Variants in ABCA2 observed in about 807,000 individuals in gnomAD.
The protein encoded by ABCA2 is ATP-binding cassette sub-family A member 2.
Under a neutral mutation model 262.8 loss-of-function variants are expected in ABCA2, and 84 were observed. The ratio of observed to expected loss-of-function variants is 0.32; its 90% CI spans 0.27 to 0.38. ABCA2 has a LOEUF of 0.38. Ranked by LOEUF, ABCA2 falls within the 10% of genes least tolerant of loss-of-function variation. ABCA2 has a pLI of 1.00. For missense variants in ABCA2, 2,662 were observed against 3,405.9 expected, an observed-to-expected ratio of 0.78 and a Z score of 5.44; for synonymous variants, 1,696 against 1,502.9, an observed-to-expected ratio of 1.13 and a Z score of -2.97.
In ABCA2 at chr9:137,010,675, C is replaced by T. The variant is rs1264588357; in HGVS notation, c.6119G>A (p.Arg2040Gln). The T allele has an allele frequency of 1.9e-6, 3 of 1,611,970 alleles. No individual in the cohort carries two copies. Among genetic ancestry groups the T allele is most frequent in the East Asian group, 2.2e-5 (1 of 44,848 alleles). ...ATTGTCGGCGTCTCCCCGGAGCACT[C>T]GCTGCCGCTCACTGGCCACGTCCAC... ...DDVDVASERQ[R>Q]VLRGDADNDM... Residue 2040 changes from arginine (R) to glutamine (Q), a missense_variant, in exon 40 of 49, where the codon CGA becomes CAA. Arg to Gln is a conservative substitution (Grantham distance 43, BLOSUM62 1). This residue lies in a region of ABCA2 where 602 missense variants were observed against 897.4 expected (regional missense o/e 0.67). Transcript: ENST00000341511.
At position 137,017,808 on chromosome 9, in the gene ABCA2, C is replaced by T; in HGVS notation, c.2190G>A (p.Glu730=). 1 of 1,612,556 alleles carries T rather than the reference C, an allele frequency of 6.2e-7. No homozygotes were observed. Among genetic ancestry groups the T allele is most frequent in the Non-Finnish European group, 8.5e-7 (1 of 1,179,826 alleles). The stretch of plus-strand genomic sequence containing the variant: ...GCACCTCCTTGAGCCGGTGCTCCTT[C>T]TCCGCCACGATGTGCTGGATGGTCA... ...VAMTIQHIVA[E]KEHRLKEVMK... Residue 730 remains glutamate (E), a synonymous_variant, in exon 16 of 49, where the codon GAG becomes GAA. Coordinates refer to ENST00000341511, the MANE Select transcript of ABCA2 (RefSeq NM_001606.5).
rs749156936 is a variant in ABCA2, at chr9:137,012,282, C to T, written c.5282G>A (p.Gly1761Asp). 5 of 1,419,034 alleles carry T rather than the reference C, an allele frequency of 3.5e-6. No homozygotes were observed. The highest frequency in any genetic ancestry group is 3.9e-4 in the Middle Eastern group (2 of 5,078). 87.9% of individuals were successfully genotyped at this position (1,419,034 alleles called of 1,614,324 possible). A position where few individuals can be genotyped will look rare whatever the true frequency, so the allele number is the denominator to read the frequency against. The change falls in exon 33 of 49, where the codon GGC (glycine) becomes GAC (aspartate). Residue 1761 changes from glycine to aspartate, a missense_variant. Physicochemically the swap from Gly to Asp is moderately conservative, Grantham distance 94 (BLOSUM62 -1). Around this residue, in one of 12 missense-constraint regions of ABCA2, gnomAD observed 602 missense variants for 897.4 expected, o/e 0.67. Transcript: ENST00000341511. ...CAGCTCACCGTAAGCCGCCGGGTTG[C>T]CCTTGCTCTTGGGCAGGTTGGCACG... is the stretch of plus-strand genomic sequence containing the variant. ...ILRANLPKSK[G>D]NPAAYGITVT... is the part of the protein sequence containing the mutation.
In ABCA2 at chr9:137,013,963, T is replaced by G; in HGVS notation, c.4316A>C (p.Gln1439Pro). Residue 1439 changes from glutamine (Q) to proline (P), a missense_variant, in exon 28 of 49, where the codon CAG becomes CCG. This residue lies in a region of ABCA2 where 75 missense variants were observed against 118.3 expected (regional missense o/e 0.63). Coordinates refer to ENST00000341511, the MANE Select transcript of ABCA2 (RefSeq NM_001606.5). Reference protein sequence around the residue: ...KLDGGWLKVRQFHGLLVKRFH... With the variant: ...KLDGGWLKVRPFHGLLVKRFH... ...GCGTTTGACCAGCAGCCCGTGGAAC[T>G]GGCGCACCTTCAGCCACCCGCCGTC... The G allele has an allele frequency of 6.2e-7, 1 of 1,612,214 alleles. No homozygotes were observed. Among genetic ancestry groups the G allele is most frequent in the Non-Finnish European group, 8.5e-7 (1 of 1,179,884 alleles).
Position 137,007,945 on chromosome 9 carries a change from G to A in ABCA2, c.7295C>T (p.Thr2432Met), listed in dbSNP as rs974267501. ...TCTGGGTGGTCAGCAGAGCGTGTCC[G>A]TGTTGAAGGACAGCTGGGCCTGTGC... Reference protein sequence around the residue: ...EEERAQLSFNTDTLC With the variant: ...EEERAQLSFNMDTLC The change falls in exon 49 of 49, where the codon ACG becomes ATG. Residue 2432 changes from threonine (T) to methionine (M), a missense_variant. Transcript: ENST00000341511. 5.6e-6 allele frequency: 9 copies of A among 1,605,434 alleles called. No homozygotes were observed. The highest frequency in any genetic ancestry group is 5.1e-6 in the Non-Finnish European group (6 of 1,179,846).
intron 47 of ABCA2, 26 bp downstream of exon 47, chr9:137,008,705 G>A: frequency 6.4e-7 from 1 of 1,567,710 alleles, no homozygotes; most frequent in East Asian, 2.3e-5. Flanking sequence ...GGCAGGTGTG[G>A]TGCGCAGTGC....
At chr9:137,022,889 A>G in intron 4 of ABCA2, 24 bp from the exon 5 acceptor site, 1 of 1,338,390 alleles carries the variant, frequency 7.5e-7, no homozygotes, top group Non-Finnish European at 9.9e-7. Context: ...GATGTCACTC[A>G]CTGGATGGGC....
At chr9:137,014,862 G>A (rs746124515) in intron 25 of ABCA2, 51 bp downstream of exon 25, 3 of 1,577,374 alleles carry the variant, frequency 1.9e-6, no homozygotes, top group Admixed American at 3.6e-5. Context: ...AGGCAGGAGT[G>A]CGCCCACCTC....
rs1393673053 is a variant in ABCA2, at chr9:137,028,010, G to T, written c.66+65C>A. On this transcript the variant is annotated intron_variant, in intron 1 of 48. Transcript: ENST00000341511. The surrounding 1 kb of genome is among the most constrained non-coding windows in gnomAD (Gnocchi z 6.9). The stretch of plus-strand genomic sequence containing the variant: ...CCGGCCGTCCGCACGTGCGCGCGGG[G>T]AGCGCGCCTCTGGCCGCGGTGCGCG... 3.4e-6 allele frequency: 3 copies of T among 892,484 alleles called. No individual in the cohort carries two copies. Among genetic ancestry groups the T allele is most frequent in the Non-Finnish European group, 4.0e-6 (3 of 747,656 alleles). 55.3% of individuals were successfully genotyped at this position (892,484 alleles called of 1,614,324 possible).
Position 137,011,162 on chromosome 9 carries a change from T to G in ABCA2, c.5923+24A>C. 6.2e-7 allele frequency: 1 copy of G among 1,611,526 alleles called. No homozygotes were observed. Among genetic ancestry groups the G allele is most frequent in the Non-Finnish European group, 8.5e-7 (1 of 1,179,504 alleles). ...GGGCCTTGCGGGGCCCCCACCGCCT[T>G]CCCCGCCCCACGGGCCCCCTCACCA... On this transcript the variant is annotated intron_variant, in intron 38 of 48. Coordinates refer to ENST00000341511, the MANE Select transcript of ABCA2 (RefSeq NM_001606.5). The surrounding 1 kb of genome is among the most constrained non-coding windows in gnomAD (Gnocchi z 8.8).
Position 137,012,379 on chromosome 9 carries a change from G to A in ABCA2, c.5188-3C>T. On this transcript the variant is annotated splice_region_variant and splice_polypyrimidine_tract_variant and intron_variant, in intron 32 of 48. Transcript: ENST00000341511. ...TAGCCCTTGTTGTTGTAGAAAACCT[G>A]CAGAAGGAAGAGGACACAGAAAGGC... 6.2e-7 allele frequency: 1 copy of A among 1,611,756 alleles called. No homozygotes were observed. The highest frequency in any genetic ancestry group is 8.5e-7 in the Non-Finnish European group (1 of 1,179,318).
chr9:137,011,792 G>A lies in ABCA2; in HGVS notation c.5536-43C>T, dbSNP rs1292536575. ...GCTGGTGAGAGACCCGGGGCAGGGCGGGGATGGGGGATGAGAAGGGCCGGG... is the reference window on the plus strand; with the variant it reads ...GCTGGTGAGAGACCCGGGGCAGGGCAGGGATGGGGGATGAGAAGGGCCGGG... On this transcript the variant is annotated intron_variant, in intron 35 of 48. Transcript: ENST00000341511. The surrounding 1 kb of genome is among the most constrained non-coding windows in gnomAD (Gnocchi z 8.8). 39 of 1,550,656 alleles carry A rather than the reference G, an allele frequency of 2.5e-5. No homozygotes were observed. Among genetic ancestry groups the A allele is most frequent in the Middle Eastern group, 1.7e-4 (1 of 5,960 alleles).
At chr9:137,028,671 C>T (rs766189689), upstream of ABCA2, 2 of 1,181,030 alleles carry the variant, frequency 1.7e-6, no homozygotes. The surrounding 1 kb of genome is among the most constrained non-coding windows in gnomAD (Gnocchi z 6.9). Context: ...GTAAGGGTCT[C>T]CTGTGTGCTT....
intron 40 of ABCA2, 73 bp from the exon 41 acceptor site, chr9:137,010,444 C>A: frequency 7.0e-7 from 1 of 1,433,616 alleles, no homozygotes; most frequent in South Asian, 1.3e-5. Flanking sequence ...CCCACCCAGA[C>A]CCTGCCCCAC....
upstream of ABCA2, chr9:137,028,358 G>A: frequency 1.2e-6 from 1 of 827,582 alleles, no homozygotes; most frequent in South Asian, 5.3e-5. The surrounding 1 kb of genome is among the most constrained non-coding windows in gnomAD (Gnocchi z 6.9). Flanking sequence ...CGCTCCGTCC[G>A]CGCCCGCCAG....
chr9:137,015,946 C>CGGG lies in ABCA2; in HGVS notation c.3317+15_3317+16insCCC. 1 of 484,322 alleles carries CGGG rather than the reference C, an allele frequency of 2.1e-6. No homozygotes were observed. The highest frequency in any genetic ancestry group is 4.0e-6 in the Non-Finnish European group (1 of 253,144). The allele number at this position is 484,322 out of a possible 1,614,324, so 30.0% of individuals were successfully genotyped here. On this transcript the variant is annotated intron_variant, in intron 22 of 48. Coordinates refer to ENST00000341511, the MANE Select transcript of ABCA2 (RefSeq NM_001606.5). Reference sequence around the variant, plus strand: ...GCCTCCGCCCACCTGCCCCGCCCCCCGCCCAGCCCACCCACTTGTCCATCT... The same window carrying CGGG: ...GCCTCCGCCCACCTGCCCCGCCCCCCGGGGCCCAGCCCACCCACTTGTCCATCT...
intron 45 of ABCA2, 31 bp downstream of exon 45, chr9:137,009,339 C>A: frequency 6.9e-7 from 1 of 1,442,822 alleles, no homozygotes; most frequent in South Asian, 1.2e-5. Flanking sequence ...CGGGCCCGCC[C>A]CAGCCCACCC....
rs559341917 is a variant in ABCA2, at chr9:137,010,042, G to C, written c.6436C>G (p.Arg2146Gly). The change falls in exon 42 of 49, where the codon CGG (arginine) becomes GGG (glycine). Residue 2146 changes from arginine (R) to glycine (G), a missense_variant. Physicochemically the swap from Arg to Gly is moderately radical, Grantham distance 125 (BLOSUM62 -2). Coordinates refer to ENST00000341511, the MANE Select transcript of ABCA2 (RefSeq NM_001606.5). ...CGCGTGTACAGCTGCAGGTGCTCCCGGGCCGTGAGCTCGTCGAACAGCGCG... is the reference window on the plus strand; with the variant it reads ...CGCGTGTACAGCTGCAGGTGCTCCCCGGCCGTGAGCTCGTCGAACAGCGCG... Reference protein sequence around the residue: ...CDALFDELTAREHLQLYTRLR... With the variant: ...CDALFDELTAGEHLQLYTRLR... 9 of 1,601,250 alleles carry C rather than the reference G, an allele frequency of 5.6e-6. No homozygotes were observed. Among genetic ancestry groups the C allele is most frequent in the Admixed American group, 1.7e-5 (1 of 58,972 alleles).
At chr9:137,015,147 G>T in intron 24 of ABCA2, 50 bp from the exon 25 acceptor site, 1 of 1,526,754 alleles carries the variant, frequency 6.5e-7, no homozygotes, top group South Asian at 1.3e-5. Flanking sequence ...GCTGGGAGGA[G>T]GGACCCCCAA....
intron 48 of ABCA2, 200 bp from the exon 49 acceptor site, chr9:137,008,164 T>C: frequency 6.1e-6 from 5 of 817,270 alleles, no homozygotes; most frequent in Non-Finnish European, 4.0e-6. Flanking sequence ...ATCGGTCCCC[T>C]GTTCCCCGGC....
Sources: gnomAD v4.1 joint callset for allele counts on GRCh38, gnomAD v4.1.1 for gene constraint, gnomAD v4.1.1 regional missense constraint, Gnocchi (gnomAD v3.1) non-coding constraint, MANE v1.5 for transcripts, NCBI Gene and HGNC (gene_info 2026-07-23, HGNC 2026-07-21) for gene names.